SLC7A7: variants seen among roughly 807,000 people sequenced by gnomAD.
SLC7A7 encodes the protein solute carrier family 7 member 7.
A neutral mutation model predicts 47.9 loss-of-function variants in SLC7A7; 39 were observed. The ratio of observed to expected loss-of-function variants is 0.81; its 90% confidence interval spans 0.63 to 1.06. SLC7A7 has a LOEUF of 1.06. SLC7A7 is among the 50% of genes least tolerant of loss of function. The pLI, the probability that SLC7A7 is intolerant of heterozygous loss-of-function variation, is 0.00. For missense variants in SLC7A7, 588 were observed against 632.0 expected, an observed-to-expected ratio of 0.93 and a Z score of 0.75; for synonymous variants, 234 against 242.8, an observed-to-expected ratio of 0.96 and a Z score of 0.34.
chr14:22,786,331 G>A (rs1195920661), intron 2 of SLC7A7, among the ~76,000 whole-genome samples: 2 of 119,722 alleles, frequency 1.7e-5, no homozygotes, highest in African/African-American at 6.0e-5. Flanking sequence ...CAAACAAAAA[G>A]GATGAACATC....
At position 22,779,112 on chromosome 14, in the gene SLC7A7, G is replaced by T. The variant is rs1214001595; in HGVS notation, c.626-175C>A. ...AGGAAACAGAAGAGAGACGTCTATA[G>T]AGATAGACCAGAATGCCCTGCATCC... On this transcript the variant is annotated intron_variant, in intron 3 of 9. Transcript: ENST00000674313. Among the ~76,000 whole-genome samples the T allele has an allele frequency of 2.6e-5, 4 of 151,900 alleles. No homozygotes were observed. The South Asian group carries it at 6.2e-4, about 24-fold the overall frequency.
At chr14:22,808,762 C>T (rs191408750) in intron 2 of SLC7A7, among the ~76,000 whole-genome samples, 9 of 152,322 alleles carry the variant, frequency 5.9e-5, no homozygotes. Flanking sequence ...CTCTATGCTC[C>T]TCTGAAGTTA....
At position 22,812,964 on chromosome 14, in the gene SLC7A7, CTGTACCATG is replaced by C. The variant is rs2039339219; in HGVS notation, c.426_434del (p.Tyr142_Gln145delinsTer). On this transcript the variant is annotated stop_gained and inframe_deletion, in exon 2 of 10. Coordinates refer to ENST00000674313, the MANE Select transcript of SLC7A7 (RefSeq NM_003982.4). LOFTEE classifies it high-confidence loss of function. ...GGGCGAAGCAGCTCGGGAAGAGAGGCTGTACCATGTAGTTGGCAAAGGTGATGGCAATGA... is the reference window on the plus strand; with the variant it reads ...GGGCGAAGCAGCTCGGGAAGAGAGGCTAGTTGGCAAAGGTGATGGCAATGA... 1.2e-6 allele frequency: 2 copies of C among 1,613,990 alleles called. No homozygotes were observed. Among genetic ancestry groups the C allele is most frequent in the Non-Finnish European group, 1.7e-6 (2 of 1,180,012 alleles).
chr14:22,816,573 C>T (rs2039410836), upstream of SLC7A7: 1 of 152,080 alleles, frequency 6.6e-6, no homozygotes, highest in Non-Finnish European at 1.5e-5. Context: ...GACAGACAGG[C>T]CCAGAACAGG....
At chr14:22,780,755 T>G (rs1357397194) in intron 2 of SLC7A7, among the ~76,000 whole-genome samples, 1 of 152,192 alleles carries the variant, frequency 6.6e-6, no homozygotes, top group East Asian at 1.9e-4. Flanking sequence ...TCAGGGTTCT[T>G]AACTAGGGCC....
intron 2 of SLC7A7, among the ~76,000 whole-genome samples, chr14:22,792,871 G>A (rs1450253746): frequency 1.0e-5 from 1 of 100,426 alleles, no homozygotes; most frequent in Non-Finnish European, 2.1e-5. Context: ...GAAAGAAAGA[G>A]AGAGAGAGAG....
intron 2 of SLC7A7, among the ~76,000 whole-genome samples, chr14:22,797,949 A>G (rs1211578485): frequency 6.6e-6 from 1 of 152,202 alleles, no homozygotes; most frequent in African/African-American, 2.4e-5. Context: ...AGATGAAAAT[A>G]TGGTACAAAT....
At chr14:22,799,101 T>A (rs1178759084) in intron 2 of SLC7A7, among the ~76,000 whole-genome samples, 1 of 152,196 alleles carries the variant, frequency 6.6e-6, no homozygotes, top group Non-Finnish European at 1.5e-5. Flanking sequence ...CTCACTGCCC[T>A]GAAATTTCAT....
At chr14:22,774,565 T>G (rs2038558251) in intron 7 of SLC7A7, 62 bp from the exon 8 acceptor site, 5 of 1,605,904 alleles carry the variant, frequency 3.1e-6, no homozygotes, top group South Asian at 1.1e-5. Flanking sequence ...GGCTTTTCAC[T>G]CCCTTTATAC....
At chr14:22,780,617 G>A (rs941787228) in intron 2 of SLC7A7, 1 of 160,160 alleles carries the variant, frequency 6.2e-6, no homozygotes, top group Non-Finnish European at 1.4e-5. Flanking sequence ...AAAGATTCTT[G>A]CAGCTAAGAG....
rs10566770 is a variant in SLC7A7 at position 22,812,639 on chromosome 14, TA to T, written c.499+260del. ...TGACAGAGCAAAATACCTGTCTCTTTAAAAAAAAAAAAAAAAAATCAGGAAG... is the reference window on the plus strand; with the variant it reads ...TGACAGAGCAAAATACCTGTCTCTTTAAAAAAAAAAAAAAAAATCAGGAAG... On this transcript the variant is annotated intron_variant, in intron 2 of 9. Transcript: ENST00000674313. 0.16 allele frequency among the ~76,000 whole-genome samples: 22,610 copies of T among 139,038 alleles called. 2,339 individuals carry two copies. Among genetic ancestry groups the T allele is most frequent in the East Asian group, 0.4 (1,949 of 4,886 alleles). The allele number at this position is 139,038 out of a possible 152,430, so 91.2% of individuals were successfully genotyped here. A position where few individuals can be genotyped will look rare whatever the true frequency, so the allele number is the denominator to read the frequency against.
chr14:22,773,618 A>C lies in SLC7A7; in HGVS notation c.1528T>G (p.Ser510Ala). Residue 510 changes from serine (S) to alanine (A), a missense_variant, in exon 10 of 10, where the codon TCT becomes GCT. Ser to Ala is a moderately conservative substitution (Grantham distance 99, BLOSUM62 1). Transcript: ENST00000674313. ...GEMPKQRDPK[S>A]N ...AGGATTCCAGATGGTGTTTAGTTAG[A>C]TTTGGGATCCCGTTGCTTGGGCATC... 6.2e-7 allele frequency: 1 copy of C among 1,613,668 alleles called. No individual in the cohort carries two copies. Among genetic ancestry groups the C allele is most frequent in the Non-Finnish European group, 8.5e-7 (1 of 1,179,580 alleles).
chr14:22,784,069 C>T (rs758103405), intron 2 of SLC7A7, among the ~76,000 whole-genome samples: 61 of 152,210 alleles, frequency 4.0e-4, no homozygotes, highest in Middle Eastern at 3.2e-3. Context: ...AAGTGCACTG[C>T]TCTTGAAGTG....
intron 2 of SLC7A7, among the ~76,000 whole-genome samples, chr14:22,803,685 AGTCAG>A (rs1039203850): frequency 5.9e-5 from 9 of 152,194 alleles, no homozygotes; most frequent in African/African-American, 2.2e-4. Flanking sequence ...GAATCAAAGA[AGTCAG>A]GTGGAGTAGG....
chr14:22,774,433 T>G lies in SLC7A7; in HGVS notation c.1166A>C (p.Tyr389Ser). Residue 389 changes from tyrosine to serine, a missense_variant, in exon 8 of 10, where the codon TAC becomes TCC. Tyr to Ser is a moderately radical substitution (Grantham distance 144). Coordinates refer to ENST00000674313, the MANE Select transcript of SLC7A7 (RefSeq NM_003982.4). ...AATAGAAAGCCCCACAAAGAACCAG[T>G]AGCTGAAGCTGTAGTAGTTAATGAG... is the stretch of plus-strand genomic sequence containing the variant. ...FQLINYYSFS[Y>S]WFFVGLSIVG... The G allele has an allele frequency of 6.2e-7, 1 of 1,614,120 alleles. No homozygotes were observed.
At position 22,797,279 on chromosome 14, in the gene SLC7A7, C is replaced by G. The variant is rs560499321; in HGVS notation, c.499+15621G>C. 2.6e-5 allele frequency among the ~76,000 whole-genome samples: 4 copies of G among 152,294 alleles called. No homozygotes were observed. In the East Asian group the frequency reaches 7.7e-4, roughly 29 times the overall value. On this transcript the variant is annotated intron_variant, in intron 2 of 9. Transcript: ENST00000674313. ...GAGCACTGGGGCAGTCCACGAATTTCTCCAAGAAGTCAGAATAAGCAGCTT... is the reference window on the plus strand; with the variant it reads ...GAGCACTGGGGCAGTCCACGAATTTGTCCAAGAAGTCAGAATAAGCAGCTT...
At chr14:22,816,694 T>C (rs931913233), upstream of SLC7A7, among the ~76,000 whole-genome samples, 28 of 152,146 alleles carry the variant, frequency 1.8e-4, no homozygotes, top group African/African-American at 6.3e-4. Context: ...ACCCTATCCA[T>C]TCTGAAATCC....
chr14:22,807,310 A>G (rs1464100783), intron 2 of SLC7A7, among the ~76,000 whole-genome samples: 1 of 152,058 alleles, frequency 6.6e-6, no homozygotes, highest in Non-Finnish European at 1.5e-5. Context: ...CAGTCTCCCC[A>G]CCTTCTGTCT....
In SLC7A7 at chr14:22,774,524, C is replaced by T. The variant is rs760698058; in HGVS notation, c.1096-21G>A. On this transcript the variant is annotated intron_variant, in intron 7 of 9. Transcript: ENST00000674313. ...ATACCCTGTAAGCGTGAGCCTAAGTCAGCTCTTCTCAGGGCCTTTGTTAAT... is the reference window on the plus strand; with the variant it reads ...ATACCCTGTAAGCGTGAGCCTAAGTTAGCTCTTCTCAGGGCCTTTGTTAAT... 3 of 1,613,966 alleles carry T rather than the reference C, an allele frequency of 1.9e-6. No individual in the cohort carries two copies. In the African/African-American group the frequency reaches 4.0e-5, roughly 22 times the overall value.
Sources: allele counts gnomAD v4.1 joint callset (sites outside exome capture counted in the v4.1 genomes callset), GRCh38; gene constraint gnomAD v4.1.1; transcripts MANE v1.5; gene names NCBI Gene and HGNC (gene_info 2026-07-23, HGNC 2026-07-21).